Variants in WRN observed in about 807,000 individuals in gnomAD.
The protein encoded by WRN is WRN RecQ like helicase.
Under a neutral mutation model 180.7 loss-of-function variants are expected in WRN, and 149 were observed. The ratio of observed to expected loss-of-function variants is 0.82; its 90% CI spans 0.72 to 0.94. The LOEUF is 0.94. Among genes scored for constraint, WRN ranks in the 40% least tolerant of loss-of-function variants. WRN has a pLI of 0.00. For synonymous variants in WRN, 548 were observed against 568.9 expected, an observed-to-expected ratio of 0.96 and a Z score of 0.52; for missense variants, 1,661 against 1,700.1, an observed-to-expected ratio of 0.98 and a Z score of 0.40.
intron 1 of WRN, among the ~76,000 whole-genome samples, chr8:31,056,327 T>C (rs1269724136): frequency 8.5e-5 from 13 of 152,206 alleles, no homozygotes; most frequent in African/African-American, 3.1e-4. Context: ...AGAACTGATT[T>C]TACTTATATA....
chr8:31,155,516 G>T (rs527436399), intron 32 of WRN, among the ~76,000 whole-genome samples: 1 of 152,002 alleles, frequency 6.6e-6, no homozygotes, highest in Admixed American at 6.5e-5. Context: ...CAGATACTTG[G>T]GAGGCGGAGA....
At chr8:31,079,785 T>C (rs2130112259) in intron 8 of WRN, among the ~76,000 whole-genome samples, 1 of 152,360 alleles carries the variant, frequency 6.6e-6, no homozygotes, top group South Asian at 2.1e-4. Flanking sequence ...CATTTTCAAA[T>C]TAGATCACAA....
chr8:31,168,782 C>G (rs1803996350), intron 34 of WRN, among the ~76,000 whole-genome samples: 2 of 152,144 alleles, frequency 1.3e-5, no homozygotes. Flanking sequence ...ATCCCTTAGT[C>G]TATTTCATTT....
chr8:31,122,945 T>G (rs2130335119), intron 21 of WRN, among the ~76,000 whole-genome samples: 1 of 151,274 alleles, frequency 6.6e-6, no homozygotes, highest in South Asian at 2.1e-4. Flanking sequence ...GAACTGATTT[T>G]TATCCCTTGA....
chr8:31,089,087 A>G (rs1813647424), intron 13 of WRN, 122 bp downstream of exon 13: 3 of 782,640 alleles, frequency 3.8e-6, no homozygotes, highest in Admixed American at 4.3e-5. Context: ...TACATGCCAC[A>G]CTGTATTTTC....
chr8:31,157,274 A>T, intron 32 of WRN, 94 bp from the exon 33 acceptor site: 1 of 1,541,738 alleles, frequency 6.5e-7, no homozygotes, highest in South Asian at 1.1e-5. Context: ...TTTCACACTG[A>T]GCATTTACTA....
chr8:31,141,878 A>G lies in WRN; in HGVS notation c.3233+103A>G, dbSNP rs2725363. ...AGGCCTCTCACAAGTAAAATGAATT[A>G]CCTGTTTGTTTTTGTATGCCTATTT... On this transcript the variant is annotated intron_variant, in intron 26 of 34. Transcript: ENST00000298139. The G allele has an allele frequency of 0.36, 398,639 of 1,119,370 alleles. 76,072 individuals are homozygous for G. The highest frequency in any genetic ancestry group is 0.6 in the East Asian group (23,405 of 39,048). 69.3% of individuals were successfully genotyped at this position (1,119,370 alleles called of 1,614,324 possible). A position where few individuals can be genotyped will look rare whatever the true frequency, so the allele number is the denominator to read the frequency against.
intron 6 of WRN, 37 bp downstream of exon 6, chr8:31,067,219 T>C: frequency 3.1e-6 from 5 of 1,609,640 alleles, no homozygotes; most frequent in Non-Finnish European, 4.2e-6. Context: ...TGTGATGTGT[T>C]TTAAAAACAT....
intron 16 of WRN, among the ~76,000 whole-genome samples, chr8:31,094,695 C>G (rs889054804): frequency 5.9e-5 from 9 of 152,120 alleles, no homozygotes; most frequent in Non-Finnish European, 8.8e-5. Context: ...CTTTCTGTCT[C>G]TATGATTTGC....
intron 3 of WRN, among the ~76,000 whole-genome samples, chr8:31,063,057 C>A (rs1812553301): frequency 6.6e-6 from 1 of 152,256 alleles, no homozygotes; most frequent in South Asian, 2.1e-4. Context: ...TAGTTTTGAA[C>A]TCCTGGCTTC....
Position 31,080,895 on chromosome 8 carries a change from G to GA in WRN, c.872dup (p.Asn291LysfsTer14). On this transcript the variant is annotated frameshift_variant, in exon 9 of 35. Transcript: ENST00000298139. LOFTEE classifies it high-confidence loss of function. ...TTCTATCTTACTAAAGGATATTTCA[G>GA]AAAATCTATATTCACTGAGGAGGAT... 1 of 1,607,900 alleles carries GA rather than the reference G, an allele frequency of 6.2e-7. No homozygotes were observed. The highest frequency in any genetic ancestry group is 8.5e-7 in the Non-Finnish European group (1 of 1,178,488).
chr8:31,065,882 T>TC (rs1263338714), intron 5 of WRN, among the ~76,000 whole-genome samples: 20 of 150,546 alleles, frequency 1.3e-4, no homozygotes, highest in Middle Eastern at 3.4e-3. Context: ...TCTTTTCTTT[T>TC]TTTTTTTTTT....
intron 23 of WRN, chr8:31,131,669 G>A (rs991673760): frequency 2.6e-5 from 4 of 153,080 alleles, no homozygotes; most frequent in Admixed American, 6.5e-5. Context: ...TTGGCAAACC[G>A]TGCCCCTTAC....
In WRN at chr8:31,154,706, A is replaced by C; in HGVS notation, c.3770A>C (p.Gln1257Pro). The change falls in exon 32 of 35, where the codon CAG becomes CCG. Residue 1257 changes from glutamine (Q) to proline (P), a missense_variant. Gln to Pro is a moderately conservative substitution (Grantham distance 76). Coordinates refer to ENST00000298139, the MANE Select transcript of WRN (RefSeq NM_000553.6). ...VAKNKICTLSQSMAITYSLFQ... is the reference protein window; with the variant it reads ...VAKNKICTLSPSMAITYSLFQ... ...AAAAATAAAATATGCACACTTTCAC[A>C]GTCTATGGCCATCACATACTCTTTA... The C allele has an allele frequency of 6.2e-7, 1 of 1,613,630 alleles. No individual in the cohort carries two copies. Among genetic ancestry groups the C allele is most frequent in the South Asian group, 1.1e-5 (1 of 91,072 alleles).
intron 1 of WRN, among the ~76,000 whole-genome samples, chr8:31,045,796 C>T (rs1383603265): frequency 1.3e-5 from 2 of 152,106 alleles, no homozygotes; most frequent in Non-Finnish European, 2.9e-5. Context: ...ATTTGCTGCT[C>T]TTGAGTATTT....
rs140471846 is a variant in WRN, at chr8:31,112,571, A to G, written c.2273+772A>G. Among the ~76,000 whole-genome samples the G allele has an allele frequency of 4.6e-5, 7 of 152,034 alleles. No homozygotes were observed. The East Asian group carries it at 1.4e-3, about 30-fold the overall frequency. ...TGTTAAGAAGTTTTCAAAAGCCTAT[A>G]TTTTACTTTTTATAAGCCTTTATTT... On this transcript the variant is annotated intron_variant, in intron 19 of 34. Transcript: ENST00000298139.
Position 31,091,811 on chromosome 8 carries a change from T to C in WRN, c.1830-19T>C, listed in dbSNP as rs992098465. 20 of 1,609,810 alleles carry C rather than the reference T, an allele frequency of 1.2e-5. No homozygotes were observed. Among genetic ancestry groups the C allele is most frequent in the Non-Finnish European group, 1.5e-5 (18 of 1,176,468 alleles). On this transcript the variant is annotated intron_variant, in intron 15 of 34. Coordinates refer to ENST00000298139, the MANE Select transcript of WRN (RefSeq NM_000553.6). ...GTAATGTGTACATGGTGCCAGAATA[T>C]TTGTTTTTCTTCTTATAGAATGTCC...
chr8:31,141,580 A>T lies in WRN; in HGVS notation c.3118A>T (p.Ile1040Phe). The T allele has an allele frequency of 1.2e-6, 2 of 1,614,068 alleles. No individual in the cohort carries two copies. Among genetic ancestry groups the T allele is most frequent in the Non-Finnish European group, 1.7e-6 (2 of 1,180,002 alleles). Residue 1040 changes from isoleucine to phenylalanine, a missense_variant, in exon 25 of 35, where the codon ATT (isoleucine) becomes TTT (phenylalanine). Transcript: ENST00000298139. The part of the protein sequence containing the change: ...EVSRYNKFMK[I>F]CALTKKGRNW... The stretch of plus-strand genomic sequence containing the variant: ...TTCTCGGTATAACAAATTTATGAAG[A>T]TTTGCGCCCTTACGAAAAAGGTAAA...
chr8:31,121,905 G>A (rs1387925018), intron 21 of WRN, among the ~76,000 whole-genome samples: 1 of 151,808 alleles, frequency 6.6e-6, no homozygotes, highest in Non-Finnish European at 1.5e-5. Flanking sequence ...AAATAATTGG[G>A]ATAGAACACA....
Sources: allele counts gnomAD v4.1 joint callset (sites outside exome capture counted in the v4.1 genomes callset), GRCh38; gene constraint gnomAD v4.1.1; transcripts MANE v1.5; gene names NCBI Gene and HGNC (gene_info 2026-07-23, HGNC 2026-07-21).